Variants in SPATA9 observed in about 807,000 individuals in gnomAD.
SPATA9 encodes spermatogenesis associated 9.
A neutral mutation model predicts 25.5 loss-of-function variants in SPATA9; 27 were observed. The observed-to-expected ratio is 1.06, with a 90% CI of 0.78 to 1.46. SPATA9 has a LOEUF of 1.46. SPATA9 is among the 40% of genes most tolerant of loss of function. SPATA9 has a pLI of 0.00. For synonymous variants in SPATA9, 102 were observed against 105.7 expected (o/e 0.97, Z 0.21); for missense variants, 282 against 297.5 (o/e 0.95, Z 0.38).
the SPATA9 span, chr5:95,708,715 G>T: frequency 1.5e-6 from 1 of 685,770 alleles, no homozygotes; most frequent in Non-Finnish European, 2.7e-6. Flanking sequence ...TCCTATGACC[G>T]GTAAGTTGTG....
chr5:95,700,990 A>G (rs1304555384), upstream of SPATA9, among the ~76,000 whole-genome samples: 1 of 152,236 alleles, frequency 6.6e-6, no homozygotes, highest in Non-Finnish European at 1.5e-5. Flanking sequence ...CAAATTTTGT[A>G]GTTTACTGAT....
rs1580275501 is a variant in SPATA9 at position 95,658,344 on chromosome 5, A to G, written c.*279T>C. 4 of 231,442 alleles carry G rather than the reference A, an allele frequency of 1.7e-5. No individual in the cohort carries two copies. In the East Asian group the frequency reaches 3.5e-4, roughly 20 times the overall value. The allele number at this position is 231,442 out of a possible 1,614,324, so 14.3% of individuals were successfully genotyped here. A position where few individuals can be genotyped will look rare whatever the true frequency, so the allele number is the denominator to read the frequency against. Reference sequence around the variant, plus strand: ...ATAAAAACATTAATGTATTATAAATATGCTTATATTATAAACCACAGTGTA... The same window carrying G: ...ATAAAAACATTAATGTATTATAAATGTGCTTATATTATAAACCACAGTGTA... On this transcript the variant is annotated 3_prime_UTR_variant, in exon 5 of 5. Transcript: ENST00000274432.
At chr5:95,720,358 G>C in the SPATA9 span, among the ~76,000 whole-genome samples, 1 of 152,160 alleles carries the variant, frequency 6.6e-6, no homozygotes, top group Non-Finnish European at 1.5e-5. Context: ...AAATATTTGA[G>C]ATTATGATGG....
chr5:95,722,638 C>T, the SPATA9 span, among the ~76,000 whole-genome samples: 2 of 152,136 alleles, frequency 1.3e-5, no homozygotes, highest in East Asian at 1.9e-4. Context: ...TACAGGCTCC[C>T]GCCACCATGC....
At chr5:95,654,086 G>T (rs1750550993), downstream of SPATA9, 1 of 1,611,208 alleles carries the variant, frequency 6.2e-7, no homozygotes, top group East Asian at 2.2e-5. Flanking sequence ...CTCTGCACAA[G>T]ATCCTGAAAA....
intron 1 of SPATA9, among the ~76,000 whole-genome samples, chr5:95,689,650 A>C (rs1753834921): frequency 6.6e-6 from 1 of 152,192 alleles, no homozygotes; most frequent in South Asian, 2.1e-4. Flanking sequence ...AGTGCAGGAC[A>C]AACACATTAT....
At chr5:95,686,795 G>A (rs1413179457), upstream of SPATA9, among the ~76,000 whole-genome samples, 1 of 152,142 alleles carries the variant, frequency 6.6e-6, no homozygotes, top group Non-Finnish European at 1.5e-5. Flanking sequence ...GTGATTCTGA[G>A]CACAGCCTGG....
At chr5:95,671,473 C>T (rs1041674925) in intron 3 of SPATA9, among the ~76,000 whole-genome samples, 3 of 152,174 alleles carry the variant, frequency 2.0e-5, no homozygotes, top group Admixed American at 1.3e-4. Context: ...TGCAGTGGCA[C>T]GATCTTGGCT....
At chr5:95,708,800 TACCGG>T in the SPATA9 span, 1 of 594,164 alleles carries the variant, frequency 1.7e-6, no homozygotes, top group Non-Finnish European at 3.0e-6. Context: ...TCCTTGGAAG[TACCGG>T]CCCTCCAAGT....
chr5:95,660,521 T>A (rs1351168893), intron 4 of SPATA9, among the ~76,000 whole-genome samples: 1 of 152,222 alleles, frequency 6.6e-6, no homozygotes, highest in Non-Finnish European at 1.5e-5. Context: ...CAGATATCCT[T>A]TGTTACTTGC....
intron 2 of SPATA9, among the ~76,000 whole-genome samples, chr5:95,677,256 A>G (rs1753021739): frequency 6.6e-6 from 1 of 152,314 alleles, no homozygotes; most frequent in Non-Finnish European, 1.5e-5. Context: ...TAAGTGTTTT[A>G]TATCCATTTA....
the SPATA9 span, among the ~76,000 whole-genome samples, chr5:95,718,279 C>T: frequency 6.6e-6 from 1 of 151,888 alleles, no homozygotes; most frequent in Non-Finnish European, 1.5e-5. Context: ...GAGTTGAAGA[C>T]AGGGGAGAAG....
intron 4 of SPATA9, among the ~76,000 whole-genome samples, chr5:95,661,067 T>C (rs1205978314): frequency 3.3e-5 from 5 of 152,170 alleles, no homozygotes; most frequent in African/African-American, 1.2e-4. Flanking sequence ...GCTGAAATCA[T>C]TTTTGAGATG....
At chr5:95,653,106 T>C in exon 9 of SPATA9, 1 of 1,551,182 alleles carries the variant, frequency 6.4e-7, no homozygotes, top group Non-Finnish European at 8.7e-7. Flanking sequence ...TTGTATTTGC[T>C]CTTCTTTCAG....
the SPATA9 span, among the ~76,000 whole-genome samples, chr5:95,716,346 G>A: frequency 1.3e-5 from 2 of 152,246 alleles, no homozygotes; most frequent in Non-Finnish European, 2.9e-5. Context: ...CCCACCTCTT[G>A]CATCAGTGTG....
chr5:95,673,080 A>C (rs1752558709), intron 3 of SPATA9, among the ~76,000 whole-genome samples: 1 of 152,082 alleles, frequency 6.6e-6, no homozygotes, highest in Non-Finnish European at 1.5e-5. Flanking sequence ...AGGGTAATGA[A>C]TAATTAATCT....
At chr5:95,655,685 T>C (rs1750706560), downstream of SPATA9, among the ~76,000 whole-genome samples, 1 of 152,230 alleles carries the variant, frequency 6.6e-6, no homozygotes, top group South Asian at 2.1e-4. Flanking sequence ...ATCTGAACCT[T>C]ACAGTTCTTC....
At chr5:95,688,004 A>T (rs1753791768) in intron 1 of SPATA9, among the ~76,000 whole-genome samples, 1 of 152,206 alleles carries the variant, frequency 6.6e-6, no homozygotes, top group South Asian at 2.1e-4. Context: ...GGACAACAGT[A>T]TGGAGATTTT....
At chr5:95,684,108 C>T (rs1442365883), upstream of SPATA9, among the ~76,000 whole-genome samples, 1 of 152,080 alleles carries the variant, frequency 6.6e-6, no homozygotes, top group South Asian at 2.1e-4. Flanking sequence ...CCACATTCAC[C>T]TCTCCTAACC....
Sources: gnomAD v4.1 joint callset for allele counts (sites outside exome capture counted in the v4.1 genomes callset) on GRCh38, gnomAD v4.1.1 for gene constraint, MANE v1.5 for transcripts, NCBI Gene and HGNC (gene_info 2026-07-23, HGNC 2026-07-21) for gene names.